The following UBAP2 variants were observed in gnomAD, a reference collection of about 807,000 sequenced individuals.
UBAP2 encodes the protein ubiquitin associated protein 2, also known as ubiquitin-associated protein 2.
Under a neutral mutation model 139.6 loss-of-function variants are expected in UBAP2, and 75 were observed. The observed-to-expected ratio is 0.54, with a 90% CI of 0.45 to 0.65. UBAP2 has a LOEUF of 0.65. Among genes scored for constraint, UBAP2 ranks in the 30% least tolerant of loss-of-function variants. The pLI is 0.00. For synonymous variants in UBAP2, 526 were observed against 526.2 expected (o/e 1.00, Z 0.01); for missense variants, 1,368 against 1,369.6 (o/e 1.00, Z 0.02).
chr9:33,974,273 C>T lies in UBAP2; in HGVS notation c.521-1036G>A, dbSNP rs141736382. 6.5e-3 allele frequency among the ~76,000 whole-genome samples: 988 copies of T among 152,040 alleles called. 9 individuals carry two copies. Among genetic ancestry groups the T allele is most frequent in the Non-Finnish European group, 9.9e-3 (671 of 67,956 alleles). On this transcript the variant is annotated intron_variant, in intron 6 of 28. Transcript: ENST00000379238. ...CTGGAATCCCAGCACTTTGGAACAC[C>T]GAGGCAGTTGGACTGCTTCAGCTCA...
At chr9:33,951,607 A>G (rs1316958865) in intron 12 of UBAP2, among the ~76,000 whole-genome samples, 1 of 152,014 alleles carries the variant, frequency 6.6e-6, no homozygotes, top group Admixed American at 6.6e-5. Flanking sequence ...TCGGCCTCCC[A>G]AAGTGCTGGA....
At chr9:33,989,203 C>CTTT (rs34957423) in intron 4 of UBAP2, 77 bp from the exon 5 acceptor site, 84 of 1,188,458 alleles carry the variant, frequency 7.1e-5, no homozygotes, top group Middle Eastern at 3.1e-4. Context: ...ATGTATCTTT[C>CTTT]TTTTTTTTTT....
At chr9:33,958,729 G>A (rs1044182046) in intron 10 of UBAP2, among the ~76,000 whole-genome samples, 1 of 118,338 alleles carries the variant, frequency 8.5e-6, no homozygotes, top group Non-Finnish European at 1.8e-5. Context: ...TTTTTTAAAG[G>A]AAGGGCCAGG....
intron 1 of UBAP2, among the ~76,000 whole-genome samples, chr9:34,024,735 G>A (rs2131307637): frequency 6.6e-6 from 1 of 152,234 alleles, no homozygotes; most frequent in South Asian, 2.1e-4. Flanking sequence ...TGTCATCTCA[G>A]CACTTTGGGA....
At chr9:33,929,313 A>T (rs1490879485) in intron 19 of UBAP2, among the ~76,000 whole-genome samples, 1 of 152,246 alleles carries the variant, frequency 6.6e-6, no homozygotes, top group African/African-American at 2.4e-5. Flanking sequence ...CTCAAGAGTC[A>T]TCTGGCAAGT....
Position 33,975,316 on chromosome 9 carries a change from C to T in UBAP2, c.521-2079G>A, listed in dbSNP as rs1828230116. On this transcript the variant is annotated intron_variant, in intron 6 of 28. Transcript: ENST00000379238. The stretch of plus-strand genomic sequence containing the variant: ...GCGTGGTGGCGCGCGCCAGTAGTCT[C>T]AGCTACCTGGGAGGCTGAGGCAGGA... Among the ~76,000 whole-genome samples, 3 of 151,688 alleles carry T rather than the reference C, an allele frequency of 2.0e-5. No individual in the cohort carries two copies. In the South Asian group the frequency reaches 6.3e-4, roughly 32 times the overall value.
intron 2 of UBAP2, among the ~76,000 whole-genome samples, chr9:34,013,997 T>C (rs1023868000): frequency 1.3e-5 from 2 of 152,006 alleles, no homozygotes; most frequent in Non-Finnish European, 2.9e-5. Flanking sequence ...ACATCAATAA[T>C]TTTCCTAATG....
chr9:33,975,241 C>T (rs2131071010), intron 6 of UBAP2, among the ~76,000 whole-genome samples: 1 of 151,198 alleles, frequency 6.6e-6, no homozygotes, highest in Non-Finnish European at 1.5e-5. Flanking sequence ...ACCAGCCTGG[C>T]CAATATGGTG....
intron 2 of UBAP2, among the ~76,000 whole-genome samples, chr9:34,012,458 G>A (rs1226717457): frequency 6.6e-6 from 1 of 151,396 alleles, no homozygotes; most frequent in Non-Finnish European, 1.5e-5. Flanking sequence ...TTGAACCCAG[G>A]AGGCGGAGGT....
At chr9:33,948,242 A>G in intron 13 of UBAP2, 132 bp downstream of exon 13, 2 of 717,436 alleles carry the variant, frequency 2.8e-6, no homozygotes, top group Non-Finnish European at 4.3e-6. Flanking sequence ...GATTTAACTG[A>G]GAAACTGCAA....
intron 1 of UBAP2, among the ~76,000 whole-genome samples, chr9:34,029,987 G>GAA (rs56101358): frequency 1.0e-5 from 1 of 99,078 alleles, no homozygotes; most frequent in Non-Finnish European, 2.1e-5. Flanking sequence ...ACTCCATCTC[G>GAA]AAAAAAAAAA....
intron 12 of UBAP2, among the ~76,000 whole-genome samples, chr9:33,949,715 G>GCGCGCACGCA (rs1825942516): frequency 6.6e-6 from 1 of 152,026 alleles, no homozygotes; most frequent in African/African-American, 2.4e-5. Context: ...ATGTGTGTGT[G>GCGCGCACGCA]CGCGCATGCA....
intron 1 of UBAP2, among the ~76,000 whole-genome samples, chr9:34,018,717 G>C (rs1824622805): frequency 6.6e-6 from 1 of 151,976 alleles, no homozygotes; most frequent in African/African-American, 2.4e-5. Flanking sequence ...CAAAAAATTA[G>C]CCAGGCGTAG....
intron 2 of UBAP2, among the ~76,000 whole-genome samples, chr9:34,002,047 C>T (rs1822753128): frequency 6.6e-6 from 1 of 151,920 alleles, no homozygotes. Context: ...GCCTCGACCT[C>T]CCAGGCTCAA....
intron 8 of UBAP2, among the ~76,000 whole-genome samples, chr9:33,969,870 C>G (rs1320766771): frequency 6.7e-6 from 1 of 149,894 alleles, no homozygotes; most frequent in African/African-American, 2.5e-5. Flanking sequence ...TCAAACACCC[C>G]CCCACCCCCA....
Position 33,923,999 on chromosome 9 carries a change from A to G in UBAP2, c.2592T>C (p.Gly864=). ...DGSLANNPYP[G]DVTKFGRGDS... ...CCCCACGGCCAAACTTTGTGACATCACCTAGGAAAGAGCACTGACTCCAGC... is the reference window on the plus strand; with the variant it reads ...CCCCACGGCCAAACTTTGTGACATCGCCTAGGAAAGAGCACTGACTCCAGC... The change falls in exon 24 of 29, where the codon GGT becomes GGC. Residue 864 remains glycine (G), a splice_region_variant and synonymous_variant. Coordinates refer to ENST00000379238, the MANE Select transcript of UBAP2 (RefSeq NM_001370062.2). The G allele has an allele frequency of 6.2e-7, 1 of 1,613,448 alleles. No homozygotes were observed. Among genetic ancestry groups the G allele is most frequent in the South Asian group, 1.1e-5 (1 of 91,040 alleles).
At chr9:33,960,710 G>A (rs566071616) in intron 10 of UBAP2, 116 bp downstream of exon 10, 1 of 914,664 alleles carries the variant, frequency 1.1e-6, no homozygotes, top group South Asian at 1.5e-5. Context: ...AATCTGGGAG[G>A]CAGAGGTTGC....
At chr9:33,969,986 G>A (rs551405691) in intron 8 of UBAP2, among the ~76,000 whole-genome samples, 1 of 124,162 alleles carries the variant, frequency 8.1e-6, no homozygotes, top group East Asian at 2.8e-4. Context: ...CTAAAGTGCA[G>A]TGGCACGATC....
At chr9:34,047,519 G>T (rs1348410409) in intron 1 of UBAP2, among the ~76,000 whole-genome samples, 1 of 152,106 alleles carries the variant, frequency 6.6e-6, no homozygotes, top group Non-Finnish European at 1.5e-5. Flanking sequence ...CACTAAAACG[G>T]ATACACAATT....
Sources: gnomAD v4.1 joint callset for allele counts (sites outside exome capture counted in the v4.1 genomes callset) on GRCh38, gnomAD v4.1.1 for gene constraint, MANE v1.5 for transcripts, NCBI Gene and HGNC (gene_info 2026-07-23, HGNC 2026-07-21) for gene names.